Variants in HNRNPA3 observed in about 807,000 individuals in gnomAD.
The protein encoded by HNRNPA3 is epididymis secretory sperm binding protein.
A neutral mutation model predicts 45.8 loss-of-function variants in HNRNPA3; 3 were observed. The observed-to-expected ratio is 0.07, with a 90% CI of 0.03 to 0.17. The LOEUF (loss-of-function observed/expected upper bound fraction) is 0.17, where lower values mean the gene tolerates loss of function less well. Among genes scored for constraint, HNRNPA3 ranks in the 10% least tolerant of loss-of-function variants. HNRNPA3 has a pLI of 1.00. For missense variants in HNRNPA3, 183 were observed against 480.3 expected, an observed-to-expected ratio of 0.38 and a Z score of 5.79; for synonymous variants, 170 against 155.6, an observed-to-expected ratio of 1.09 and a Z score of -0.69.
At chr2:177,222,957 C>A (rs1413353760), downstream of HNRNPA3, 1 of 152,568 alleles carries the variant, frequency 6.6e-6, no homozygotes, top group Non-Finnish European at 1.5e-5. Context: ...TGTAAAAACA[C>A]ATTTTCCCAA....
rs561893558 is a variant in HNRNPA3 at position 177,218,206 on chromosome 2, C to T, written c.961+361C>T. 2.6e-4 allele frequency among the ~76,000 whole-genome samples: 39 copies of T among 151,992 alleles called. No individual in the cohort carries two copies. The South Asian group carries it at 6.9e-3, about 27-fold the overall frequency. Reference sequence around the variant, plus strand: ...CCTCCCTAGTAGCTGGGACTACAGGCGTATGCCAGCACGCCCGGTTAATTT... The same window carrying T: ...CCTCCCTAGTAGCTGGGACTACAGGTGTATGCCAGCACGCCCGGTTAATTT... On this transcript the variant is annotated intron_variant, in intron 8 of 10. Transcript: ENST00000392524.
At chr2:177,221,966 A>G (rs773911893), downstream of HNRNPA3, 8 of 152,674 alleles carry the variant, frequency 5.2e-5, no homozygotes, top group Admixed American at 1.3e-4. Flanking sequence ...AGGAAGGGCA[A>G]TAAGCATTAG....
chr2:177,217,895 CA>C, intron 8 of HNRNPA3, 50 bp downstream of exon 8: 1 of 1,465,104 alleles, frequency 6.8e-7, no homozygotes, highest in South Asian at 1.4e-5. Flanking sequence ...GTGTTGCTAA[CA>C]GTTCCCATGA....
Position 177,216,848 on chromosome 2 carries a change from G to C in HNRNPA3, c.740-12G>C. ...AATATATTATTTTAATTCATTTCTTGTTTTTCCTCAGGAGGCTATGGTGGT... is the reference window on the plus strand; with the variant it reads ...AATATATTATTTTAATTCATTTCTTCTTTTTCCTCAGGAGGCTATGGTGGT... On this transcript the variant is annotated splice_polypyrimidine_tract_variant and intron_variant, in intron 6 of 10. Transcript: ENST00000392524. 1 of 1,612,422 alleles carries C rather than the reference G, an allele frequency of 6.2e-7. No homozygotes were observed. Among genetic ancestry groups the C allele is most frequent in the African/African-American group, 1.3e-5 (1 of 74,812 alleles).
chr2:177,212,826 C>T (rs754540284), exon 1 of HNRNPA3: 10 of 1,562,270 alleles, frequency 6.4e-6, no homozygotes, highest in South Asian at 4.7e-5. Context: ...CGCCCGGTCG[C>T]CCCCAGCCCG....
chr2:177,219,211 T>C (rs745726590), intron 9 of HNRNPA3, 36 bp from the exon 10 acceptor site: 5 of 1,611,208 alleles, frequency 3.1e-6, no homozygotes, highest in Non-Finnish European at 4.2e-6. Flanking sequence ...TTAAAAAATG[T>C]GCATACTTCT....
intron 7 of HNRNPA3, 73 bp downstream of exon 7, chr2:177,217,013 T>G (rs1016006471): frequency 7.4e-7 from 1 of 1,347,222 alleles, no homozygotes; most frequent in African/African-American, 1.5e-5. Context: ...TATTACACTT[T>G]TCTAATTTTA....
intron 1 of HNRNPA3, among the ~76,000 whole-genome samples, chr2:177,214,595 AC>A (rs1469202014): frequency 1.3e-5 from 2 of 152,162 alleles, no homozygotes; most frequent in African/African-American, 4.8e-5. Flanking sequence ...GGAGATCGAG[AC>A]CATTCTGGCT....
chr2:177,222,953 AAC>A (rs1371697018), downstream of HNRNPA3: 1 of 152,608 alleles, frequency 6.6e-6, no homozygotes, highest in Non-Finnish European at 1.5e-5. Flanking sequence ...CCTTTGTAAA[AAC>A]ACATTTTCCC....
intron 1 of HNRNPA3, among the ~76,000 whole-genome samples, chr2:177,213,190 G>A (rs1283698105): frequency 6.6e-6 from 1 of 152,090 alleles, no homozygotes; most frequent in Non-Finnish European, 1.5e-5. Context: ...GGGAGCGGTT[G>A]GGAGGAGGTG....
At chr2:177,214,194 AAAT>A (rs1688820509) in intron 1 of HNRNPA3, among the ~76,000 whole-genome samples, 1 of 152,256 alleles carries the variant, frequency 6.6e-6, no homozygotes, top group Admixed American at 6.5e-5. Flanking sequence ...TAATTCTTAA[AAAT>A]CTCAATTTTT....
At chr2:177,217,110 T>C (rs555416551) in intron 7 of HNRNPA3, among the ~76,000 whole-genome samples, 170 bp downstream of exon 7, 7 of 152,206 alleles carry the variant, frequency 4.6e-5, no homozygotes, top group African/African-American at 1.7e-4. Context: ...GGAGAGACAT[T>C]AGCTGCTCTT....
At chr2:177,223,379 CAG>C (rs772708137), downstream of HNRNPA3, 2 of 151,204 alleles carry the variant, frequency 1.3e-5, no homozygotes, top group African/African-American at 2.4e-5. Context: ...ACAGTATTCT[CAG>C]AAGTTGTAGC....
At chr2:177,213,247 A>G (rs536897389) in intron 1 of HNRNPA3, among the ~76,000 whole-genome samples, 2 of 152,216 alleles carry the variant, frequency 1.3e-5, no homozygotes, top group South Asian at 2.1e-4. Context: ...CGAGCGAGCA[A>G]GCGGGCGGCG....
chr2:177,223,036 G>A (rs1473417329), downstream of HNRNPA3: 1 of 152,496 alleles, frequency 6.6e-6, no homozygotes, highest in Non-Finnish European at 1.5e-5. Context: ...GCCCCAAAAG[G>A]GCTTAACAAT....
In HNRNPA3 at chr2:177,216,272, C is replaced by T. The variant is rs567007346; in HGVS notation, c.553+84C>T. 3 of 951,158 alleles carry T rather than the reference C, an allele frequency of 3.2e-6. No individual in the cohort carries two copies. The African/African-American group carries it at 4.9e-5, about 16-fold the overall frequency. The allele number at this position is 951,158 out of a possible 1,614,324, so 58.9% of individuals were successfully genotyped here. A position where few individuals can be genotyped will look rare whatever the true frequency, so the allele number is the denominator to read the frequency against. ...ACTAAATTTGCTAAATTGTAATTTTCTGTTGCGTGTAATGGCATTTATAGT... is the reference window on the plus strand; with the variant it reads ...ACTAAATTTGCTAAATTGTAATTTTTTGTTGCGTGTAATGGCATTTATAGT... On this transcript the variant is annotated intron_variant, in intron 4 of 10. Transcript: ENST00000392524.
intron 7 of HNRNPA3, 97 bp from the exon 8 acceptor site, chr2:177,217,608 C>T (rs1689000274): frequency 1.3e-6 from 2 of 1,481,862 alleles, no homozygotes; most frequent in East Asian, 2.3e-5. Flanking sequence ...GCCCGGGCAA[C>T]AGAGCAAGAC....
downstream of HNRNPA3, chr2:177,220,438 A>T (rs1317470258): frequency 6.5e-6 from 1 of 154,592 alleles, no homozygotes; most frequent in Admixed American, 6.5e-5. Flanking sequence ...TATTTAAAGC[A>T]CAAGAGGCCC....
downstream of HNRNPA3, chr2:177,223,755 A>G: frequency 6.6e-6 from 1 of 152,336 alleles, no homozygotes; most frequent in Admixed American, 6.5e-5. Flanking sequence ...CTGATTTTTA[A>G]GAATTCAGAA....
Sources: allele counts gnomAD v4.1 joint callset (sites outside exome capture counted in the v4.1 genomes callset), GRCh38; gene constraint gnomAD v4.1.1; transcripts MANE v1.5; gene names NCBI Gene and HGNC (gene_info 2026-07-23, HGNC 2026-07-21).